NF1: variants seen among roughly 807,000 people sequenced by gnomAD.
NF1 encodes the protein neurofibromin 1.
NF1 carries 122 observed loss-of-function variants against 325.7 expected under a neutral mutation model. The ratio of observed to expected loss-of-function variants is 0.37; its 90% CI spans 0.32 to 0.44. NF1 has a LOEUF of 0.44. Ranked by LOEUF, NF1 falls within the 20% of genes least tolerant of loss-of-function variation. The pLI is 1.00. For synonymous variants in NF1, 1,091 were observed against 1,186.0 expected, an observed-to-expected ratio of 0.92 and a Z score of 1.65; for missense variants, 2,140 against 3,415.4, an observed-to-expected ratio of 0.63 and a Z score of 9.31.
At chr17:31,349,067 T>G (rs2151572266) in intron 48 of NF1, 53 bp from the exon 49 acceptor site, 1 of 1,544,310 alleles carries the variant, frequency 6.5e-7, no homozygotes, top group South Asian at 1.2e-5. Context: ...CAGATGCTTG[T>G]TCAAAAAATT....
chr17:31,148,047 CATT>C (rs1377054698), intron 1 of NF1, among the ~76,000 whole-genome samples: 4 of 152,200 alleles, frequency 2.6e-5, no homozygotes, highest in Non-Finnish European at 4.4e-5. Flanking sequence ...CCCCTTACCT[CATT>C]ATAGCTCACT....
rs2151544497 is a variant in NF1 at position 31,330,334 on chromosome 17, C to A, written c.5648C>A (p.Thr1883Asn). 6.2e-7 allele frequency: 1 copy of A among 1,614,010 alleles called. No individual in the cohort carries two copies. Among genetic ancestry groups the A allele is most frequent in the Non-Finnish European group, 8.5e-7 (1 of 1,179,944 alleles). The change falls in exon 39 of 58, where the codon ACC becomes AAC. Residue 1883 changes from threonine to asparagine, a missense_variant. Around this residue, in one of 10 missense-constraint regions of NF1, gnomAD observed 180 missense variants for 435.1 expected, o/e 0.41. Transcript: ENST00000358273. ...AATCTTCTGTGTGCCTTAACTTGTA[C>A]CTTTAATTTAAAAATCGAGGGCCAG... The part of the protein sequence containing the change: ...AYNLLCALTC[T>N]FNLKIEGQLL...
chr17:31,248,961 A>T (rs2151451227), intron 29 of NF1, 23 bp from the exon 30 acceptor site: 1 of 1,612,558 alleles, frequency 6.2e-7, no homozygotes, highest in East Asian at 2.2e-5. Context: ...AAGTGTTAGG[A>T]TTTTATTTTT....
chr17:31,171,362 G>C lies in NF1; in HGVS notation c.586+1365G>C, dbSNP rs538803675. Among the ~76,000 whole-genome samples the C allele has an allele frequency of 2.0e-4, 30 of 152,298 alleles. No individual in the cohort carries two copies. In the South Asian group the frequency reaches 2.5e-3, roughly 13 times the overall value. ...GATATCTATTATTAAGCGTTGAGCA[G>C]TTGAGAAACTGAATGGTAAAATTTA... is the stretch of plus-strand genomic sequence containing the variant. On this transcript the variant is annotated intron_variant, in intron 5 of 57. Transcript: ENST00000358273.
At chr17:31,162,556 C>T (rs17885511) in intron 3 of NF1, among the ~76,000 whole-genome samples, 1,929 of 152,264 alleles carry the variant, frequency 0.013, 27 homozygotes, top group Middle Eastern at 0.02. Flanking sequence ...AATTTGAATT[C>T]AGACTTGGTA....
intron 29 of NF1, among the ~76,000 whole-genome samples, chr17:31,242,965 G>A (rs888939671): frequency 2.0e-5 from 3 of 152,102 alleles, no homozygotes; most frequent in Non-Finnish European, 2.9e-5. Flanking sequence ...AAGGCACTTG[G>A]GTGTTGTTAT....
intron 5 of NF1, 151 bp downstream of exon 5, chr17:31,170,148 G>C: frequency 3.3e-6 from 2 of 605,758 alleles, no homozygotes; most frequent in African/African-American, 1.9e-5. Flanking sequence ...AATACAAATG[G>C]GTAATTATTT....
rs953627299 is a variant in NF1 at position 31,174,519 on chromosome 17, A to T, written c.586+4522A>T. 2.6e-5 allele frequency among the ~76,000 whole-genome samples: 4 copies of T among 152,230 alleles called. No homozygotes were observed. The South Asian group carries it at 8.3e-4, about 31-fold the overall frequency. On this transcript the variant is annotated intron_variant, in intron 5 of 57. Coordinates refer to ENST00000358273, the MANE Select transcript of NF1 (RefSeq NM_001042492.3). Reference sequence around the variant, plus strand: ...AGATGTTGATATGAAAATATTTGTTAATGTTATTTATAATAGTGAAATAAC... The same window carrying T: ...AGATGTTGATATGAAAATATTTGTTTATGTTATTTATAATAGTGAAATAAC...
intron 27 of NF1, 95 bp from the exon 28 acceptor site, chr17:31,235,516 T>C (rs1184724957): frequency 1.5e-6 from 2 of 1,341,202 alleles, no homozygotes; most frequent in African/African-American, 2.9e-5. Flanking sequence ...CAAGTGGTTG[T>C]CAACTTTGGG....
intron 57 of NF1, chr17:31,362,486 T>G (rs1320229449): frequency 4.3e-6 from 1 of 234,910 alleles, no homozygotes; most frequent in Non-Finnish European, 7.0e-6. Flanking sequence ...TGTACTACAT[T>G]CATTGCCTTC....
chr17:31,138,773 G>A lies in NF1; in HGVS notation c.61-17210G>A, dbSNP rs1178063340. On this transcript the variant is annotated intron_variant, in intron 1 of 57. Transcript: ENST00000358273. ...TTTTTTTTGTATTTTTAGTAGAGAC[G>A]GGGTTTCACCGTGTTAGCCAGGATG... is the stretch of plus-strand genomic sequence containing the variant. Among the ~76,000 whole-genome samples the A allele has an allele frequency of 4.0e-5, 6 of 149,536 alleles. No individual in the cohort carries two copies. The South Asian group carries it at 8.5e-4, about 21-fold the overall frequency.
At chr17:31,203,401 T>C (rs572943627) in intron 11 of NF1, among the ~76,000 whole-genome samples, 1 of 152,346 alleles carries the variant, frequency 6.6e-6, no homozygotes, top group African/African-American at 2.4e-5. Flanking sequence ...AAATATTAGT[T>C]CAAAGTATCT....
intron 1 of NF1, among the ~76,000 whole-genome samples, chr17:31,132,670 T>C (rs528253758): frequency 3.9e-5 from 6 of 152,334 alleles, no homozygotes; most frequent in African/African-American, 1.4e-4. Flanking sequence ...ATGTTACTTA[T>C]TTATTTATTT....
At chr17:31,158,689 T>C (rs1014921763) in intron 2 of NF1, among the ~76,000 whole-genome samples, 7 of 152,148 alleles carry the variant, frequency 4.6e-5, no homozygotes, top group African/African-American at 1.4e-4. Flanking sequence ...AAAGTATAGT[T>C]AAATCCCCAA....
chr17:31,232,611 C>A, intron 25 of NF1, 89 bp from the exon 26 acceptor site: 2 of 1,251,578 alleles, frequency 1.6e-6, no homozygotes, highest in East Asian at 2.4e-5. Flanking sequence ...CCATTCACAC[C>A]ATGCACATAT....
rs876658127 is a variant in NF1, at chr17:31,259,083, C to A, written c.4384C>A (p.Arg1462=). The A allele has an allele frequency of 1.9e-6, 3 of 1,604,468 alleles. No individual in the cohort carries two copies. The highest frequency in any genetic ancestry group is 2.2e-5 in the South Asian group (2 of 89,908). The change falls in exon 33 of 58, where the codon CGG becomes AGG. Residue 1462 remains arginine, a synonymous_variant. Transcript: ENST00000358273. ...HVLFTKEEHM[R]PFNDFVKSNF... Reference sequence around the variant, plus strand: ...TCTCTTCACAAAAGAAGAACATATGCGGCCTTTCAATGATTTTGTGAAAAG... The same window carrying A: ...TCTCTTCACAAAAGAAGAACATATGAGGCCTTTCAATGATTTTGTGAAAAG...
chr17:31,275,369 A>G (rs1028151728), intron 36 of NF1, among the ~76,000 whole-genome samples: 1 of 152,238 alleles, frequency 6.6e-6, no homozygotes, highest in Non-Finnish European at 1.5e-5. Context: ...ATCTTATCAC[A>G]TAGGCATTGT....
Position 31,326,010 on chromosome 17 carries a change from G to A in NF1, c.5026G>A (p.Ala1676Thr), listed in dbSNP as rs756450772. 3.1e-6 allele frequency: 5 copies of A among 1,613,982 alleles called. No homozygotes were observed. The highest frequency in any genetic ancestry group is 2.2e-5 in the East Asian group (1 of 44,888). The change falls in exon 37 of 58, where the codon GCA (alanine) becomes ACA (threonine). Residue 1676 changes from alanine (A) to threonine (T), a missense_variant. Ala to Thr is a moderately conservative substitution (Grantham distance 58). Transcript: ENST00000358273. ...FPGFAYDNVS[A>T]VYIYNCNSWV... ...TGGCTTTGCTTACGACAACGTCTCC[G>A]CAGTCTATATCTATAACTGTAACTC...
At chr17:31,346,052 A>C in intron 48 of NF1, 1 of 1,612,716 alleles carries the variant, frequency 6.2e-7, no homozygotes, top group Non-Finnish European at 8.5e-7. Flanking sequence ...AAGACGTGGC[A>C]AAGCCAGTCA....
Sources: allele counts gnomAD v4.1 joint callset (sites outside exome capture counted in the v4.1 genomes callset), GRCh38; gene constraint gnomAD v4.1.1; regional missense constraint gnomAD v4.1.1; transcripts MANE v1.5; gene names NCBI Gene and HGNC (gene_info 2026-07-23, HGNC 2026-07-21).